Variants in PTPRM observed in about 807,000 individuals in gnomAD.
The protein encoded by PTPRM is receptor-type tyrosine-protein phosphatase mu.
A neutral mutation model predicts 186.7 loss-of-function variants in PTPRM; 47 were observed. The observed-to-expected ratio is 0.25, with a 90% CI of 0.20 to 0.32. The LOEUF (loss-of-function observed/expected upper bound fraction) is 0.32. Among genes scored for constraint, PTPRM ranks in the 10% least tolerant of loss-of-function variants. The pLI is 1.00. For synonymous variants in PTPRM, 668 were observed against 674.9 expected (o/e 0.99, Z 0.16); for missense variants, 1,494 against 1,865.0 (o/e 0.80, Z 3.66).
At chr18:8,272,610 A>G (rs1267453477) in intron 19 of PTPRM, among the ~76,000 whole-genome samples, 2 of 152,148 alleles carry the variant, frequency 1.3e-5, no homozygotes, top group African/African-American at 2.4e-5. Context: ...TTCTCAGTGC[A>G]TGGAAGATTT....
chr18:7,582,459 C>G (rs2036870790), intron 1 of PTPRM, among the ~76,000 whole-genome samples: 1 of 152,218 alleles, frequency 6.6e-6, no homozygotes, highest in Admixed American at 6.5e-5. Flanking sequence ...ACTTCCACCT[C>G]TTCTCCTGGC....
At chr18:8,152,301 G>A (rs1024884615) in intron 14 of PTPRM, among the ~76,000 whole-genome samples, 1 of 152,152 alleles carries the variant, frequency 6.6e-6, no homozygotes, top group Non-Finnish European at 1.5e-5. Flanking sequence ...AGAGTGAGAA[G>A]AAGGAATATC....
At chr18:7,635,380 C>G (rs375074392) in intron 1 of PTPRM, among the ~76,000 whole-genome samples, 2 of 152,096 alleles carry the variant, frequency 1.3e-5, no homozygotes, top group African/African-American at 4.8e-5. Context: ...TGATTTAATG[C>G]ACTGATATTT....
intron 2 of PTPRM, among the ~76,000 whole-genome samples, chr18:7,826,126 G>GT (rs1460299536): frequency 6.6e-6 from 1 of 152,212 alleles, no homozygotes; most frequent in Non-Finnish European, 1.5e-5. Context: ...GTGTCACTGA[G>GT]TGAGGCTCTG....
At chr18:8,242,031 A>G (rs1365365992) in intron 14 of PTPRM, among the ~76,000 whole-genome samples, 1 of 152,172 alleles carries the variant, frequency 6.6e-6, no homozygotes, top group Non-Finnish European at 1.5e-5. Flanking sequence ...GTACAAGCAT[A>G]GCTTTTATTG....
intron 14 of PTPRM, among the ~76,000 whole-genome samples, chr18:8,198,421 T>A (rs1182845976): frequency 2.6e-5 from 4 of 152,194 alleles, no homozygotes; most frequent in African/African-American, 9.6e-5. Context: ...AGTGCTGTGA[T>A]TACAGGCATG....
At chr18:8,389,765 G>C (rs1331858859) in intron 31 of PTPRM, among the ~76,000 whole-genome samples, 1 of 152,196 alleles carries the variant, frequency 6.6e-6, no homozygotes, top group Non-Finnish European at 1.5e-5. Flanking sequence ...GGCCAGGAAA[G>C]AATCAAACCA....
intron 5 of PTPRM, among the ~76,000 whole-genome samples, chr18:7,927,470 GTGTGGGT>G (rs779001615): frequency 5.8e-5 from 7 of 119,800 alleles, no homozygotes; most frequent in African/African-American, 1.4e-4. Context: ...TTTTGTGTGG[GTGTGGGT>G]TTTTTTTTTT....
At chr18:8,176,881 G>C (rs538280174) in intron 14 of PTPRM, among the ~76,000 whole-genome samples, 1 of 152,210 alleles carries the variant, frequency 6.6e-6, no homozygotes, top group Admixed American at 6.5e-5. Flanking sequence ...CTTCACTCTA[G>C]CTTGAAAGCC....
intron 9 of PTPRM, among the ~76,000 whole-genome samples, chr18:8,079,109 GT>G (rs71354596): frequency 0.34 from 51,404 of 152,032 alleles, 9,780 homozygotes; most frequent in Non-Finnish European, 0.43. Context: ...TGACAGCATT[GT>G]TTTTTCCAGG....
At chr18:7,681,896 C>T (rs1029545188) in intron 1 of PTPRM, among the ~76,000 whole-genome samples, 1 of 152,188 alleles carries the variant, frequency 6.6e-6, no homozygotes, top group East Asian at 1.9e-4. Flanking sequence ...GGATGCTTCT[C>T]ATGCACTGAC....
At chr18:8,316,600 C>G (rs767869330) in intron 21 of PTPRM, among the ~76,000 whole-genome samples, 10 of 152,150 alleles carry the variant, frequency 6.6e-5, no homozygotes, top group Non-Finnish European at 1.3e-4. Flanking sequence ...TAGGTGCTAG[C>G]AGAAAAACTG....
intron 22 of PTPRM, among the ~76,000 whole-genome samples, chr18:8,338,008 C>T (rs1334933160): frequency 1.3e-5 from 2 of 152,098 alleles, no homozygotes; most frequent in Non-Finnish European, 2.9e-5. Context: ...AGGGGAGGCC[C>T]CATGTGGGTT....
chr18:7,728,455 T>TC (rs140118482), intron 1 of PTPRM, among the ~76,000 whole-genome samples: 10,143 of 152,296 alleles, frequency 0.067, 882 homozygotes, highest in African/African-American at 0.19. Context: ...GCTACGCTCC[T>TC]CCCTGCATAA....
At chr18:7,871,993 A>G (rs931445000) in intron 2 of PTPRM, among the ~76,000 whole-genome samples, 7 of 152,256 alleles carry the variant, frequency 4.6e-5, no homozygotes, top group Non-Finnish European at 4.4e-5. Context: ...AATGAGATAC[A>G]TAAAAGGATT....
At chr18:8,164,668 T>A (rs535961426) in intron 14 of PTPRM, among the ~76,000 whole-genome samples, 1 of 151,952 alleles carries the variant, frequency 6.6e-6, no homozygotes, top group Non-Finnish European at 1.5e-5. Context: ...AGACAGAAAG[T>A]AGTATGGTAG....
At chr18:8,037,223 C>G (rs1215947632) in intron 7 of PTPRM, among the ~76,000 whole-genome samples, 1 of 152,204 alleles carries the variant, frequency 6.6e-6, no homozygotes, top group Non-Finnish European at 1.5e-5. Flanking sequence ...TGTGGCCTCT[C>G]CTCACACTTA....
chr18:8,330,705 C>G (rs1476394198), intron 22 of PTPRM, among the ~76,000 whole-genome samples: 1 of 150,282 alleles, frequency 6.7e-6, no homozygotes, highest in Non-Finnish European at 1.5e-5. Context: ...CCCCTCTTTA[C>G]AGCATGCGCA....
chr18:8,379,022 C>A, intron 27 of PTPRM, 145 bp from the exon 28 acceptor site: 1 of 607,588 alleles, frequency 1.6e-6, no homozygotes, highest in Non-Finnish European at 2.6e-6. Flanking sequence ...AGAAAGAAAA[C>A]TCGAACTATG....
Sources: gnomAD v4.1 joint callset for allele counts (sites outside exome capture counted in the v4.1 genomes callset) on GRCh38, gnomAD v4.1.1 for gene constraint, MANE v1.5 for transcripts, NCBI Gene and HGNC (gene_info 2026-07-23, HGNC 2026-07-21) for gene names.